Variants in L3MBTL2 observed in about 807,000 individuals in gnomAD.
L3MBTL2 encodes the protein L3MBTL histone methyl-lysine binding protein 2.
L3MBTL2 carries 49 observed loss-of-function variants against 86.4 expected under a neutral mutation model. The observed-to-expected ratio is 0.57, with a 90% CI of 0.45 to 0.72. The LOEUF (loss-of-function observed/expected upper bound fraction) is 0.72. Among genes scored for constraint, L3MBTL2 ranks in the 30% least tolerant of loss-of-function variants. The pLI is 0.00. For missense variants in L3MBTL2, 755 were observed against 923.7 expected (o/e 0.82, Z 2.37); for synonymous variants, 336 against 350.6 (o/e 0.96, Z 0.47).
chr22:41,217,139 C>T lies in L3MBTL2; in HGVS notation c.537C>T (p.Phe179=), dbSNP rs771297693. 4.3e-6 allele frequency: 7 copies of T among 1,613,724 alleles called. No homozygotes were observed. Among genetic ancestry groups the T allele is most frequent in the Non-Finnish European group, 5.1e-6 (6 of 1,179,962 alleles). ...GCTCTGCAGCTCTGGTCTTGGGCTTCGACTGGGGGAAGTTCCTGAAGGATC... is the reference window on the plus strand; with the variant it reads ...GCTCTGCAGCTCTGGTCTTGGGCTTTGACTGGGGGAAGTTCCTGAAGGATC... ...PTGQDALVLG[F]DWGKFLKDHS... The change falls in exon 5 of 17, where the codon TTC becomes TTT. Residue 179 remains phenylalanine, a synonymous_variant. Coordinates refer to ENST00000216237, the MANE Select transcript of L3MBTL2 (RefSeq NM_031488.5).
At chr22:41,207,236 CT>C (rs753351369) in intron 1 of L3MBTL2, among the ~76,000 whole-genome samples, 2,674 of 120,452 alleles carry the variant, frequency 0.022, 9 homozygotes, top group African/African-American at 0.05. Context: ...CCCCCAAATC[CT>C]TTTTTTTTTT....
rs10553071 is a variant in L3MBTL2 at position 41,212,396 on chromosome 22, C to CTTTT, written c.263-1482_263-1479dup. 3.2e-5 allele frequency among the ~76,000 whole-genome samples: 4 copies of CTTTT among 125,828 alleles called. No individual in the cohort carries two copies. In the Admixed American group the frequency reaches 3.3e-4, roughly 10 times the overall value. 82.5% of individuals were successfully genotyped at this position (125,828 alleles called of 152,430 possible). On this transcript the variant is annotated intron_variant, in intron 2 of 16. Transcript: ENST00000216237. ...AATTCATTAGAATTTTAGGTTCAGG[C>CTTTT]TTTTTTTTTTTTTTTTTTGAGACAG...
chr22:41,216,992 G>C, intron 4 of L3MBTL2, 131 bp from the exon 5 acceptor site: 1 of 667,066 alleles, frequency 1.5e-6, no homozygotes. Context: ...GGTGTCGTGG[G>C]CAGCGCTGTG....
chr22:41,224,028 G>C lies in L3MBTL2; in HGVS notation c.951G>C (p.Glu317Asp). 6.2e-7 allele frequency: 1 copy of C among 1,614,032 alleles called. No homozygotes were observed. The highest frequency in any genetic ancestry group is 8.5e-7 in the Non-Finnish European group (1 of 1,179,908). Residue 317 changes from glutamate (E) to aspartate (D), a missense_variant, in exon 9 of 17, where the codon GAG (glutamate) becomes GAC (aspartate). By Grantham distance (45) the Glu-to-Asp change is conservative. Around this residue, in one of 3 missense-constraint regions of L3MBTL2, gnomAD observed 634 missense variants for 748.9 expected, o/e 0.85. Transcript: ENST00000216237. This position sits in a 1 kb window ranked among gnomAD's most constrained non-coding sequence, Gnocchi z 4.9. ...LPVDFHIKMVESMKYPFRQGM... is the reference protein window; with the variant it reads ...LPVDFHIKMVDSMKYPFRQGM... ...TTCTGACGTCGTTTCAGATGGTGGA[G>C]AGCATGAAGTACCCCTTTAGGCAGG...
At chr22:41,228,428 G>C in intron 15 of L3MBTL2, 15 of 985,452 alleles carry the variant, frequency 1.5e-5, no homozygotes, top group Non-Finnish European at 1.8e-5. Context: ...TTGAGGGGCA[G>C]AGCGGGAGCG....
intron 12 of L3MBTL2, 80 bp from the exon 13 acceptor site, chr22:41,226,582 T>G (rs1391613662): frequency 6.0e-6 from 6 of 1,001,022 alleles, no homozygotes; most frequent in Middle Eastern, 2.1e-4. Flanking sequence ...CTGCAGAGCT[T>G]CTTCAGCCAT....
Position 41,224,173 on chromosome 22 carries a change from T to C in L3MBTL2, c.1096T>C (p.Phe366Leu). The C allele has an allele frequency of 6.2e-7, 1 of 1,614,106 alleles. No homozygotes were observed. Among genetic ancestry groups the C allele is most frequent in the Non-Finnish European group, 8.5e-7 (1 of 1,180,024 alleles). The change falls in exon 9 of 17, where the codon TTC becomes CTC. Residue 366 changes from phenylalanine to leucine, a missense_variant. Coordinates refer to ENST00000216237, the MANE Select transcript of L3MBTL2 (RefSeq NM_031488.5). This position sits in a 1 kb window ranked among gnomAD's most constrained non-coding sequence, Gnocchi z 4.9. ...LYEDGDSDDD[F>L]WCHMWSPLIH... is the part of the protein sequence containing the mutation. ...CGAGGATGGTGACAGTGACGACGAC[T>C]TCTGGTGCCACATGTGGAGCCCCCT...
chr22:41,225,960 C>G lies in L3MBTL2; in HGVS notation c.1504+19C>G. 1 of 1,612,244 alleles carries G rather than the reference C, an allele frequency of 6.2e-7. No individual in the cohort carries two copies. The highest frequency in any genetic ancestry group is 1.1e-5 in the South Asian group (1 of 91,032). On this transcript the variant is annotated intron_variant, in intron 12 of 16. Coordinates refer to ENST00000216237, the MANE Select transcript of L3MBTL2 (RefSeq NM_031488.5). This position sits in a 1 kb window ranked among gnomAD's most constrained non-coding sequence, Gnocchi z 4.1. ...CCAAAAGGTAAGACTAGAGAGGCCA[C>G]CACCTGCTGTCCTTGCCATCAGAAG... is the stretch of plus-strand genomic sequence containing the variant.
chr22:41,216,027 C>T, intron 3 of L3MBTL2, 112 bp from the exon 4 acceptor site: 1 of 1,198,824 alleles, frequency 8.3e-7, no homozygotes, highest in South Asian at 1.5e-5. Flanking sequence ...GAAACTGAAG[C>T]CCAAAAGAGG....
At chr22:41,222,850 G>A (rs2031920235) in intron 8 of L3MBTL2, among the ~76,000 whole-genome samples, 1 of 152,206 alleles carries the variant, frequency 6.6e-6, no homozygotes, top group African/African-American at 2.4e-5. Flanking sequence ...GAAACCGGGA[G>A]GCCGAAGTTG....
At position 41,224,349 on chromosome 22, in the gene L3MBTL2, G is replaced by A; in HGVS notation, c.1174+98G>A. 1 of 910,126 alleles carries A rather than the reference G, an allele frequency of 1.1e-6. No individual in the cohort carries two copies. Among genetic ancestry groups the A allele is most frequent in the Non-Finnish European group, 1.7e-6 (1 of 593,700 alleles). The allele number at this position is 910,126 out of a possible 1,614,324, so 56.4% of individuals were successfully genotyped here. ...TCGTCACAGCAGGTCAGCAGGTGGA[G>A]GTTGGCATGGCCCCCCTGCAGTGAT... On this transcript the variant is annotated intron_variant, in intron 9 of 16. Coordinates refer to ENST00000216237, the MANE Select transcript of L3MBTL2 (RefSeq NM_031488.5). This position sits in a 1 kb window ranked among gnomAD's most constrained non-coding sequence, Gnocchi z 4.9.
rs552690063 is a variant in L3MBTL2 at position 41,220,671 on chromosome 22, A to G, written c.719-63A>G. 4 of 1,516,230 alleles carry G rather than the reference A, an allele frequency of 2.6e-6. No individual in the cohort carries two copies. In the South Asian group the frequency reaches 3.8e-5, roughly 14 times the overall value. The allele number at this position is 1,516,230 out of a possible 1,614,324, so 93.9% of individuals were successfully genotyped here. On this transcript the variant is annotated intron_variant, in intron 6 of 16. Transcript: ENST00000216237. ...AGACTTCGTCTCAGAAAAAAAAAAA[A>G]AAAACAGAACATACCTTCCCCAGCT...
At chr22:41,223,336 A>G (rs1307389777) in intron 8 of L3MBTL2, among the ~76,000 whole-genome samples, 1 of 152,238 alleles carries the variant, frequency 6.6e-6, no homozygotes, top group Non-Finnish European at 1.5e-5. Flanking sequence ...CAGGCAGGAC[A>G]GCACTGAAGT....
chr22:41,209,660 A>T, intron 1 of L3MBTL2, 36 bp from the exon 2 acceptor site: 1 of 1,591,766 alleles, frequency 6.3e-7, no homozygotes, highest in Non-Finnish European at 8.6e-7. Flanking sequence ...AGCCAATCAT[A>T]ATTCTTTCTA....
In L3MBTL2 at chr22:41,227,853, A is replaced by G; in HGVS notation, c.1872A>G (p.Lys624=). 6.2e-7 allele frequency: 1 copy of G among 1,613,534 alleles called. No individual in the cohort carries two copies. Among genetic ancestry groups the G allele is most frequent in the Non-Finnish European group, 8.5e-7 (1 of 1,179,724 alleles). The change falls in exon 15 of 17, where the codon AAA becomes AAG. Residue 624 remains lysine (K), a synonymous_variant. Transcript: ENST00000216237. This position sits in a 1 kb window ranked among gnomAD's most constrained non-coding sequence, Gnocchi z 6.0. ...AAGAGGCCACAAAGAAGAAAAAGAA[A>G]CAGTTTGGGAAGAAAAGTAAGTGCT... ...KAKEATKKKK[K]QFGKKRKRIP...
At chr22:41,209,995 G>C (rs2145567791) in intron 2 of L3MBTL2, 62 bp downstream of exon 2, 1 of 1,582,344 alleles carries the variant, frequency 6.3e-7, no homozygotes, top group African/African-American at 1.3e-5. Context: ...GAAGAGGGGG[G>C]TGGATATAGG....
At position 41,229,658 on chromosome 22, in the gene L3MBTL2, T is replaced by A; in HGVS notation, c.2005+2T>A. 6.2e-7 allele frequency: 1 copy of A among 1,612,898 alleles called. No individual in the cohort carries two copies. ...CGTCGGAGCCTGTTCCTGGCGAGAG[T>A]AAGAGCCACCGGGCTGGGTCAAGGC... On this transcript the variant is annotated splice_donor_variant, in intron 16 of 16. Transcript: ENST00000216237. LOFTEE classifies it high-confidence loss of function.
rs1288895892 is a variant in L3MBTL2, at chr22:41,221,302, C to T, written c.942+15C>T. The T allele has an allele frequency of 1.9e-5, 30 of 1,548,490 alleles. No individual in the cohort carries two copies. The highest frequency in any genetic ancestry group is 1.7e-4 in the Middle Eastern group (1 of 6,010). ...TCCACATCAAGGTCGGCAGTGAGCC[C>T]TTAACTGATGTGCCTCCTTCCGCTC... On this transcript the variant is annotated intron_variant, in intron 8 of 16. Coordinates refer to ENST00000216237, the MANE Select transcript of L3MBTL2 (RefSeq NM_031488.5).
chr22:41,205,481 G>A, intron 1 of L3MBTL2, 95 bp downstream of exon 1: 1 of 1,408,694 alleles, frequency 7.1e-7, no homozygotes, highest in Non-Finnish European at 1.0e-6. Flanking sequence ...CGCCTGGAGG[G>A]TGGAGGGTGG....
Sources: allele counts gnomAD v4.1 joint callset (sites outside exome capture counted in the v4.1 genomes callset), GRCh38; gene constraint gnomAD v4.1.1; regional missense constraint gnomAD v4.1.1; non-coding constraint Gnocchi (gnomAD v3.1); transcripts MANE v1.5; gene names NCBI Gene and HGNC (gene_info 2026-07-23, HGNC 2026-07-21).